Variants in DNAH1 observed in about 807,000 individuals in gnomAD.
DNAH1 encodes dynein axonemal heavy chain 1, also known as axonemal beta dynein heavy chain 1.
In DNAH1, 327 loss-of-function variants were observed where a neutral mutation model predicts 484.3. That is an observed-to-expected ratio of 0.68 (90% CI 0.62 to 0.74). The LOEUF (loss-of-function observed/expected upper bound fraction) is 0.74, where lower values mean the gene tolerates loss of function less well. Among genes scored for constraint, DNAH1 ranks in the 30% least tolerant of loss-of-function variants. The pLI is 0.00. For missense variants in DNAH1, 5,052 were observed against 5,546.8 expected, an observed-to-expected ratio of 0.91 and a Z score of 2.83; for synonymous variants, 2,192 against 2,191.9, an observed-to-expected ratio of 1.00 and a Z score of 0.00.
In DNAH1 at chr3:52,350,112, A is replaced by G. The variant is rs1264082872; in HGVS notation, c.2646+4A>G. 1 of 1,609,992 alleles carries G rather than the reference A, an allele frequency of 6.2e-7. No individual in the cohort carries two copies. The highest frequency in any genetic ancestry group is 1.3e-5 in the African/African-American group (1 of 74,932). The stretch of plus-strand genomic sequence containing the variant: ...GGAGAGGCTGGTGGGCCTGGAGGTG[A>G]GGCAGGCACACGGGCACTGGGGCCA... On this transcript the variant is annotated splice_donor_region_variant and intron_variant, in intron 15 of 77. Transcript: ENST00000420323.
At position 52,332,309 on chromosome 3, in the gene DNAH1, G is replaced by A. The variant is rs1274400935; in HGVS notation, c.1201G>A (p.Asp401Asn). Reference sequence around the variant, plus strand: ...CTTGTATGTGGACTGCATGCCCTCTGACGGCCAGCATGTCATCAGTGAACA... The same window carrying A: ...CTTGTATGTGGACTGCATGCCCTCTAACGGCCAGCATGTCATCAGTGAACA... ...YNLYVDCMPS[D>N]GQHVISEQSL... The change falls in exon 8 of 78, where the codon GAC (aspartate) becomes AAC (asparagine). Residue 401 changes from aspartate to asparagine, a missense_variant. Around this residue, in one of 4 missense-constraint regions of DNAH1, gnomAD observed 1,263 missense variants for 1,218.8 expected, o/e 1.04. Coordinates refer to ENST00000420323, the MANE Select transcript of DNAH1 (RefSeq NM_015512.5). 1 of 1,614,080 alleles carries A rather than the reference G, an allele frequency of 6.2e-7. No individual in the cohort carries two copies. Among genetic ancestry groups the A allele is most frequent in the East Asian group, 2.2e-5 (1 of 44,888 alleles).
intron 8 of DNAH1, among the ~76,000 whole-genome samples, chr3:52,341,336 G>A (rs918032832): frequency 8.5e-5 from 13 of 152,140 alleles, no homozygotes; most frequent in African/African-American, 2.9e-4. Flanking sequence ...GGACTCTTGT[G>A]CAAGCGATTT....
In DNAH1 at chr3:52,394,521, G is replaced by A. The variant is rs372328204; in HGVS notation, c.10683G>A (p.Pro3561=). ...GGSISIMTEN[P]APDWLSDRAW... Reference sequence around the variant, plus strand: ...CCATCTCGATCATGACTGAGAATCCGGCACCGGACTGGCTGTCAGACCGGG... The same window carrying A: ...CCATCTCGATCATGACTGAGAATCCAGCACCGGACTGGCTGTCAGACCGGG... The change falls in exon 67 of 78, where the codon CCG becomes CCA. Residue 3561 remains proline (P), a synonymous_variant. Transcript: ENST00000420323. 3.7e-5 allele frequency: 59 copies of A among 1,613,892 alleles called. 1 individual carries two copies. Among genetic ancestry groups the A allele is most frequent in the African/African-American group, 3.2e-4 (24 of 74,930 alleles).
In DNAH1 at chr3:52,371,985, A is replaced by G. The variant is rs1321052141; in HGVS notation, c.6565A>G (p.Thr2189Ala). The G allele has an allele frequency of 1.2e-6, 2 of 1,613,700 alleles. No homozygotes were observed. Among genetic ancestry groups the G allele is most frequent in the Non-Finnish European group, 1.7e-6 (2 of 1,179,844 alleles). ...GTGGATGGACTCCTCAGCTCCATTCACCATGGTACCAGACACCAACTACTG... is the reference window on the plus strand; with the variant it reads ...GTGGATGGACTCCTCAGCTCCATTCGCCATGGTACCAGACACCAACTACTG... ...VKWMDSSAPF[T>A]MVPDTNYCNI... The change falls in exon 42 of 78, where the codon ACC (threonine) becomes GCC (alanine). Residue 2189 changes from threonine (T) to alanine (A), a missense_variant. Around this residue, in one of 4 missense-constraint regions of DNAH1, gnomAD observed 2,929 missense variants for 3,409.4 expected, o/e 0.86. Transcript: ENST00000420323.
rs767755704 is a variant in DNAH1, at chr3:52,358,755, C to T, written c.4266+18C>T. 34 of 1,610,962 alleles carry T rather than the reference C, an allele frequency of 2.1e-5. No individual in the cohort carries two copies. The highest frequency in any genetic ancestry group is 2.1e-4 in the South Asian group (19 of 90,828). ...ACCCCACGGTGAGCCGCCCGCAGCC[C>T]GTGCAGCCTTCCACCCCTGCACCCC... On this transcript the variant is annotated intron_variant, in intron 25 of 77. Transcript: ENST00000420323. This position sits in a 1 kb window ranked among gnomAD's most constrained non-coding sequence, Gnocchi z 4.2.
chr3:52,340,974 CCCTCCCTTCCTTCCTTCCTTCCTT>C (rs953559515), intron 8 of DNAH1, among the ~76,000 whole-genome samples: 1 of 151,578 alleles, frequency 6.6e-6, no homozygotes, highest in Non-Finnish European at 1.5e-5. Flanking sequence ...CTTCCTTCCT[CCCTCCCTTCCTTCCTTCCTTCCTT>C]CCTTCCTAGG....
In DNAH1 at chr3:52,358,536, C is replaced by A. The variant is rs966313117; in HGVS notation, c.4087-22C>A. On this transcript the variant is annotated intron_variant, in intron 24 of 77. Coordinates refer to ENST00000420323, the MANE Select transcript of DNAH1 (RefSeq NM_015512.5). This position sits in a 1 kb window ranked among gnomAD's most constrained non-coding sequence, Gnocchi z 4.2. ...CTGGGCACACCAGGGTGACCCCACT[C>A]CTGCTCCTCCACTGCTTGCAGCTGC... The A allele has an allele frequency of 2.5e-6, 4 of 1,586,610 alleles. No individual in the cohort carries two copies. The highest frequency in any genetic ancestry group is 1.8e-5 in the Admixed American group (1 of 56,192).
At position 52,353,111 on chromosome 3, in the gene DNAH1, G is replaced by GCTCT. The variant is rs1217083434; in HGVS notation, c.3038_3041dup (p.Arg1015LeufsTer19). The GCTCT allele has an allele frequency of 3.1e-6, 5 of 1,612,736 alleles. No individual in the cohort carries two copies. Among genetic ancestry groups the GCTCT allele is most frequent in the Non-Finnish European group, 4.2e-6 (5 of 1,179,254 alleles). On this transcript the variant is annotated frameshift_variant, in exon 19 of 78. Transcript: ENST00000420323. LOFTEE classifies it high-confidence loss of function. The surrounding 1 kb of genome is among the most constrained non-coding windows in gnomAD (Gnocchi z 5.0). ...CCCTCCTGTCCCTGCAGTATGACAA[G>GCTCT]CTCTCCAGGATGGTGAAGGAGTTCC...
chr3:52,361,056 C>A lies in DNAH1; in HGVS notation c.4686-108C>A. The A allele has an allele frequency of 8.7e-7, 1 of 1,143,396 alleles. No homozygotes were observed. The highest frequency in any genetic ancestry group is 1.2e-6 in the Non-Finnish European group (1 of 867,314). The allele number at this position is 1,143,396 out of a possible 1,614,324, so 70.8% of individuals were successfully genotyped here. On this transcript the variant is annotated intron_variant, in intron 28 of 77. Transcript: ENST00000420323. This position sits in a 1 kb window ranked among gnomAD's most constrained non-coding sequence, Gnocchi z 5.6. Reference sequence around the variant, plus strand: ...GAGCCAGGGCTGGGCACACCCCAGCCCACCAAAAGGGGACGGGGCGAGAGG... The same window carrying A: ...GAGCCAGGGCTGGGCACACCCCAGCACACCAAAAGGGGACGGGGCGAGAGG...
intron 34 of DNAH1, 25 bp from the exon 35 acceptor site, chr3:52,366,432 T>C (rs1409285894): frequency 2.6e-6 from 4 of 1,564,616 alleles, no homozygotes; most frequent in Non-Finnish European, 3.5e-6. Flanking sequence ...GCTCTGACCC[T>C]TGGGCCCCAT....
intron 70 of DNAH1, among the ~76,000 whole-genome samples, 188 bp from the exon 71 acceptor site, chr3:52,396,180 G>A (rs943396501): frequency 2.0e-5 from 3 of 152,084 alleles, no homozygotes; most frequent in Non-Finnish European, 4.4e-5. Context: ...TGATTCGCCT[G>A]CCTTGGCCTT....
Position 52,381,343 on chromosome 3 carries a change from G to T in DNAH1, c.7609-297G>T, listed in dbSNP as rs1331261083. Among the ~76,000 whole-genome samples, 1 of 152,118 alleles carries T rather than the reference G, an allele frequency of 6.6e-6. No individual in the cohort carries two copies. The highest frequency in any genetic ancestry group is 1.5e-5 in the Non-Finnish European group (1 of 68,018). ...GCCCAGGCTGGTGTTGAACTCCTGGGCTCAAGTGATCCTCCCGCCTTGGCT... is the reference window on the plus strand; with the variant it reads ...GCCCAGGCTGGTGTTGAACTCCTGGTCTCAAGTGATCCTCCCGCCTTGGCT... On this transcript the variant is annotated intron_variant, in intron 48 of 77. Transcript: ENST00000420323. This position sits in a 1 kb window ranked among gnomAD's most constrained non-coding sequence, Gnocchi z 4.1.
At position 52,360,118 on chromosome 3, in the gene DNAH1, G is replaced by A. The variant is rs776390304; in HGVS notation, c.4571+39G>A. 2.5e-6 allele frequency: 4 copies of A among 1,612,496 alleles called. No individual in the cohort carries two copies. In the African/African-American group the frequency reaches 5.3e-5, roughly 22 times the overall value. On this transcript the variant is annotated intron_variant, in intron 27 of 77. Transcript: ENST00000420323. Reference sequence around the variant, plus strand: ...GGGCGCCCCCAGGGCCAGAGCAGCTGCCAGGAAGGGGCAGGGGAAAAGAGA... The same window carrying A: ...GGGCGCCCCCAGGGCCAGAGCAGCTACCAGGAAGGGGCAGGGGAAAAGAGA...
rs1250993534 is a variant in DNAH1, at chr3:52,370,109, G to A, written c.6139-1G>A. On this transcript the variant is annotated splice_acceptor_variant, in intron 38 of 77. Coordinates refer to ENST00000420323, the MANE Select transcript of DNAH1 (RefSeq NM_015512.5). LOFTEE classifies it high-confidence loss of function. ...GAGAACTGGGTGCCTACTCCCTGCA[G>A]GAATCCATCTCCTTCGTTCGGTCCT... The A allele has an allele frequency of 3.1e-6, 5 of 1,614,004 alleles. No individual in the cohort carries two copies. The highest frequency in any genetic ancestry group is 4.2e-6 in the Non-Finnish European group (5 of 1,179,878).
chr3:52,317,879 A>G (rs1222311014), intron 1 of DNAH1: 1 of 152,146 alleles, frequency 6.6e-6, no homozygotes, highest in Non-Finnish European at 1.5e-5. Flanking sequence ...GGGCTGATGC[A>G]TCCCCGCACT....
chr3:52,383,945 C>T lies in DNAH1; in HGVS notation c.8236C>T (p.Pro2746Ser). 6.2e-7 allele frequency: 1 copy of T among 1,612,880 alleles called. No homozygotes were observed. Among genetic ancestry groups the T allele is most frequent in the Non-Finnish European group, 8.5e-7 (1 of 1,179,396 alleles). The change falls in exon 52 of 78, where the codon CCG becomes TCG. Residue 2746 changes from proline (P) to serine (S), a missense_variant. Transcript: ENST00000420323. ...CCTIDWFNEW[P>S]AEALKSVATV... ...TACCATCGACTGGTTTAACGAGTGG[C>T]CGGCAGAAGCCCTGAAGTCTGTGGC...
intron 53 of DNAH1, 63 bp downstream of exon 53, chr3:52,385,040 C>A: frequency 6.5e-7 from 1 of 1,535,328 alleles, no homozygotes; most frequent in Non-Finnish European, 8.8e-7. Context: ...CTCACTCAGC[C>A]CTGACTCCAG....
In DNAH1 at chr3:52,398,954, G is replaced by A; in HGVS notation, c.12194G>A (p.Ser4065Asn). The change falls in exon 76 of 78, where the codon AGC becomes AAC. Residue 4065 changes from serine to asparagine, a missense_variant. Ser to Asn is a conservative substitution (Grantham distance 46, BLOSUM62 1). Coordinates refer to ENST00000420323, the MANE Select transcript of DNAH1 (RefSeq NM_015512.5). ...TCTCAGCTGGAGCTGATGGCTGCCA[G>A]CCTGTACAACAATACTGTGCCTGAG... ...MSSQLELMAA[S>N]LYNNTVPELW... 6.2e-7 allele frequency: 1 copy of A among 1,613,798 alleles called. No homozygotes were observed. The highest frequency in any genetic ancestry group is 8.5e-7 in the Non-Finnish European group (1 of 1,179,730).
In DNAH1 at chr3:52,364,799, A is replaced by C. The variant is rs959175347; in HGVS notation, c.5332-34A>C. On this transcript the variant is annotated intron_variant, in intron 33 of 77. Transcript: ENST00000420323. The surrounding 1 kb of genome is among the most constrained non-coding windows in gnomAD (Gnocchi z 4.2). The stretch of plus-strand genomic sequence containing the variant: ...TGGGCAGCTGGAGGGCAGCTGGCCC[A>C]CTGCCCTGAAGGCTCAGCCGGCACC... 1.9e-6 allele frequency: 3 copies of C among 1,608,722 alleles called. No homozygotes were observed. The Admixed American group carries it at 5.0e-5, about 27-fold the overall frequency.
Sources: allele counts gnomAD v4.1 joint callset (sites outside exome capture counted in the v4.1 genomes callset), GRCh38; gene constraint gnomAD v4.1.1; regional missense constraint gnomAD v4.1.1; non-coding constraint Gnocchi (gnomAD v3.1); transcripts MANE v1.5; gene names NCBI Gene and HGNC (gene_info 2026-07-23, HGNC 2026-07-21).